Variants in TRIM9 observed in about 807,000 individuals in gnomAD.
TRIM9 encodes the protein tripartite motif containing 9.
A neutral mutation model predicts 78.3 loss-of-function variants in TRIM9; 26 were observed. That is an observed-to-expected ratio of 0.33 (90% CI 0.24 to 0.46). The LOEUF (loss-of-function observed/expected upper bound fraction) is 0.46, where lower values mean the gene tolerates loss of function less well. TRIM9 is among the 20% of genes least tolerant of loss of function. The pLI is 1.00. For missense variants in TRIM9, 787 were observed against 1,036.4 expected (o/e 0.76, Z 3.30); for synonymous variants, 398 against 416.5 (o/e 0.96, Z 0.54).
chr14:50,983,477 T>C (rs1483903248), intron 8 of TRIM9, 56 bp from the exon 9 acceptor site: 1 of 1,404,926 alleles, frequency 7.1e-7, no homozygotes, highest in Non-Finnish European at 9.7e-7. Context: ...TTGATAAAAA[T>C]TACTTGTATA....
At chr14:50,994,263 C>T (rs912834639) in intron 7 of TRIM9, among the ~76,000 whole-genome samples, 1 of 152,140 alleles carries the variant, frequency 6.6e-6, no homozygotes, top group Non-Finnish European at 1.5e-5. Context: ...AAAAATTAGC[C>T]AGACATGGTG....
chr14:51,058,504 G>C (rs887676745), intron 1 of TRIM9, among the ~76,000 whole-genome samples: 5 of 152,084 alleles, frequency 3.3e-5, no homozygotes, highest in African/African-American at 1.2e-4. Context: ...ACTGACTTCT[G>C]GCCATTGAGA....
At chr14:51,004,807 C>T (rs2055544144) in intron 5 of TRIM9, among the ~76,000 whole-genome samples, 1 of 152,212 alleles carries the variant, frequency 6.6e-6, no homozygotes, top group Non-Finnish European at 1.5e-5. Flanking sequence ...TTGCATCATA[C>T]TGCCCCTCTC....
chr14:51,030,734 G>A (rs2058654619), intron 1 of TRIM9, among the ~76,000 whole-genome samples: 1 of 152,128 alleles, frequency 6.6e-6, no homozygotes, highest in African/African-American at 2.4e-5. Flanking sequence ...CATCAGTGGA[G>A]TATGGGGAGG....
At chr14:51,027,779 T>C (rs1489035686) in intron 1 of TRIM9, among the ~76,000 whole-genome samples, 1 of 152,032 alleles carries the variant, frequency 6.6e-6, no homozygotes, top group African/African-American at 2.4e-5. Flanking sequence ...CAGGCAATAA[T>C]ATGAGAGGCA....
chr14:51,010,224 A>T (rs1429769368), intron 4 of TRIM9, among the ~76,000 whole-genome samples, 160 bp downstream of exon 4: 4 of 152,120 alleles, frequency 2.6e-5, no homozygotes, highest in Non-Finnish European at 2.9e-5. Flanking sequence ...AGTGGAGTTT[A>T]TTTAGCCGGC....
rs565517618 is a variant in TRIM9 at position 51,084,413 on chromosome 14, G to A, written c.822+9705C>T. Among the ~76,000 whole-genome samples the A allele has an allele frequency of 1.6e-3, 247 of 152,284 alleles. 2 individuals are homozygous for A. The highest frequency in any genetic ancestry group is 5.7e-3 in the African/African-American group (236 of 41,556). On this transcript the variant is annotated intron_variant, in intron 1 of 12. Transcript: ENST00000684578. The stretch of plus-strand genomic sequence containing the variant: ...TCAATGATAGATTCACTTCCATAAT[G>A]GCAGAAGGTAGCCGGATGACACAAG...
chr14:51,049,493 T>A (rs1566615055), intron 1 of TRIM9, among the ~76,000 whole-genome samples: 3 of 152,142 alleles, frequency 2.0e-5, no homozygotes, highest in Non-Finnish European at 4.4e-5. Context: ...TGTTTGTTCA[T>A]TCCTTCATTC....
At chr14:51,003,740 G>A (rs1409840923) in intron 5 of TRIM9, among the ~76,000 whole-genome samples, 1 of 151,888 alleles carries the variant, frequency 6.6e-6, no homozygotes, top group Non-Finnish European at 1.5e-5. Flanking sequence ...CAAAGGGAGT[G>A]GAGAGGAAAA....
In TRIM9 at chr14:51,010,841, G is replaced by C. The variant is rs561271806; in HGVS notation, c.1042-347C>G. ...ACTCTGCTGAGCGATGTTTGCTGGG[G>C]GGTCTGTGGAGGAGCTATAGTTCCC... On this transcript the variant is annotated intron_variant, in intron 3 of 12. Transcript: ENST00000684578. Among the ~76,000 whole-genome samples, 258 of 152,224 alleles carry C rather than the reference G, an allele frequency of 1.7e-3. 2 individuals are homozygous for C. Among genetic ancestry groups the C allele is most frequent in the Non-Finnish European group, 5.1e-4 (35 of 68,012 alleles).
At chr14:51,014,440 C>T (rs970759103) in intron 3 of TRIM9, among the ~76,000 whole-genome samples, 15 of 152,142 alleles carry the variant, frequency 9.9e-5, no homozygotes, top group African/African-American at 3.6e-4. Context: ...TGATTTTGGT[C>T]CACCTTTTTT....
chr14:51,020,906 T>A (rs888713611), intron 3 of TRIM9, among the ~76,000 whole-genome samples: 1 of 152,222 alleles, frequency 6.6e-6, no homozygotes, highest in Non-Finnish European at 1.5e-5. Context: ...CTGTTCACCA[T>A]GTTCTGTTAA....
chr14:51,056,463 T>C (rs1298715075), intron 1 of TRIM9, among the ~76,000 whole-genome samples: 3 of 152,204 alleles, frequency 2.0e-5, no homozygotes, highest in Non-Finnish European at 4.4e-5. Context: ...CAGTGGCAGA[T>C]ATGCTATACT....
intron 1 of TRIM9, among the ~76,000 whole-genome samples, chr14:51,082,369 T>A (rs983982479): frequency 6.6e-6 from 1 of 152,200 alleles, no homozygotes; most frequent in African/African-American, 2.4e-5. Context: ...CATCAACTGA[T>A]AAATGGATAA....
At chr14:51,067,049 G>A (rs964526812) in intron 1 of TRIM9, among the ~76,000 whole-genome samples, 2 of 152,122 alleles carry the variant, frequency 1.3e-5, no homozygotes, top group African/African-American at 2.4e-5. Context: ...CTTCTTCCTT[G>A]AGCTGTAGAC....
chr14:51,076,755 C>T lies in TRIM9; in HGVS notation c.822+17363G>A, dbSNP rs79570917. 8.9e-3 allele frequency among the ~76,000 whole-genome samples: 1,356 copies of T among 152,292 alleles called. 30 individuals carry two copies. Among genetic ancestry groups the T allele is most frequent in the African/African-American group, 0.031 (1,286 of 41,550 alleles). On this transcript the variant is annotated intron_variant, in intron 1 of 12. Coordinates refer to ENST00000684578, the MANE Select transcript of TRIM9 (RefSeq NM_001387360.1). Reference sequence around the variant, plus strand: ...GAATGGTCTGATTATCTCCATTTTCCAGATGAGAAAACTAAAGCACAGAGA... The same window carrying T: ...GAATGGTCTGATTATCTCCATTTTCTAGATGAGAAAACTAAAGCACAGAGA...
intron 1 of TRIM9, among the ~76,000 whole-genome samples, chr14:51,059,706 G>A (rs2061175793): frequency 6.6e-6 from 1 of 151,296 alleles, no homozygotes; most frequent in South Asian, 2.1e-4. Flanking sequence ...GCTGAGGCAG[G>A]AGAATCGCTT....
intron 7 of TRIM9, 156 bp from the exon 8 acceptor site, chr14:50,986,300 G>T (rs2139355550): frequency 1.8e-6 from 1 of 562,564 alleles, no homozygotes. Flanking sequence ...ATGTGCCTGG[G>T]GGCAGGGAGG....
At chr14:51,036,725 AC>A (rs1438694430) in intron 1 of TRIM9, among the ~76,000 whole-genome samples, 2 of 152,196 alleles carry the variant, frequency 1.3e-5, no homozygotes, top group Non-Finnish European at 2.9e-5. Context: ...TTTACGCAGA[AC>A]CCATGCATAC....
Sources: gnomAD v4.1 joint callset for allele counts (sites outside exome capture counted in the v4.1 genomes callset) on GRCh38, gnomAD v4.1.1 for gene constraint, MANE v1.5 for transcripts, NCBI Gene and HGNC (gene_info 2026-07-23, HGNC 2026-07-21) for gene names.